The following RALGAPB variants were observed in gnomAD, a reference collection of about 807,000 sequenced individuals.
The protein encoded by RALGAPB is ral GTPase-activating protein subunit beta.
Under a neutral mutation model 161.1 loss-of-function variants are expected in RALGAPB, and 25 were observed. The observed-to-expected ratio is 0.16, with a 90% CI of 0.11 to 0.22. The LOEUF (loss-of-function observed/expected upper bound fraction) is 0.22, where lower values mean the gene tolerates loss of function less well. RALGAPB is among the 10% of genes least tolerant of loss of function. The probability of loss-of-function intolerance (pLI) is 1.00; values close to 1 mark genes in which losing one functional copy is unlikely to be tolerated. For missense variants in RALGAPB, 1,391 were observed against 1,815.2 expected (o/e 0.77, Z 4.25); for synonymous variants, 629 against 626.1 (o/e 1.00, Z -0.07).
At chr20:38,527,476 A>G (rs1013932505) in intron 13 of RALGAPB, among the ~76,000 whole-genome samples, 1 of 152,192 alleles carries the variant, frequency 6.6e-6, no homozygotes, top group South Asian at 2.1e-4. Context: ...AATTGTGGAC[A>G]TGATTTTCTA....
chr20:38,527,866 G>A (rs2086519249), intron 13 of RALGAPB, among the ~76,000 whole-genome samples: 1 of 152,194 alleles, frequency 6.6e-6, no homozygotes, highest in African/African-American at 2.4e-5. Context: ...CCATAAAGTG[G>A]CAAAGCTCTT....
At chr20:38,555,705 T>G (rs2087564958) in intron 22 of RALGAPB, among the ~76,000 whole-genome samples, 1 of 152,214 alleles carries the variant, frequency 6.6e-6, no homozygotes, top group Non-Finnish European at 1.5e-5. Flanking sequence ...TAGTTGAAAC[T>G]TAAGCTTTTA....
chr20:38,555,628 G>A (rs565170055), intron 22 of RALGAPB, among the ~76,000 whole-genome samples: 1 of 152,260 alleles, frequency 6.6e-6, no homozygotes, highest in East Asian at 1.9e-4. Flanking sequence ...ATGGACTTCA[G>A]GGACACAAGA....
In RALGAPB at chr20:38,521,596, C is replaced by G. The variant is rs552078505; in HGVS notation, c.1517C>G (p.Pro506Arg). ...SNPMFDASEF[P>R]DNYEAGRAEA... is the part of the protein sequence containing the mutation. ...CCTATGTTTGATGCAAGTGAATTTC[C>G]TGATAACTATGAAGCAGGAAGAGCT... The change falls in exon 10 of 30, where the codon CCT becomes CGT. Residue 506 changes from proline (P) to arginine (R), a missense_variant. By Grantham distance (103) the Pro-to-Arg change is moderately radical. Coordinates refer to ENST00000262879, the MANE Select transcript of RALGAPB (RefSeq NM_020336.4). The G allele has an allele frequency of 3.1e-6, 5 of 1,614,206 alleles. No homozygotes were observed. The highest frequency in any genetic ancestry group is 1.1e-5 in the South Asian group (1 of 91,086).
At position 38,532,756 on chromosome 20, in the gene RALGAPB, T is replaced by C. The variant is rs758640222; in HGVS notation, c.2142T>C (p.Ser714=). The C allele has an allele frequency of 3.3e-5, 53 of 1,613,782 alleles. No individual in the cohort carries two copies. The highest frequency in any genetic ancestry group is 4.2e-5 in the Non-Finnish European group (50 of 1,179,858). Residue 714 remains serine, a synonymous_variant, in exon 15 of 30, where the codon AGT becomes AGC. Coordinates refer to ENST00000262879, the MANE Select transcript of RALGAPB (RefSeq NM_020336.4). ...GTGGTGGAGAAAATAACCTGAAGAG[T>C]CATAGTCGCACCAATAGTGGTATTA... is the stretch of plus-strand genomic sequence containing the variant. ...EMGGGENNLK[S]HSRTNSGISS...
At chr20:38,533,158 G>A (rs1164843760) in intron 15 of RALGAPB, among the ~76,000 whole-genome samples, 1 of 152,114 alleles carries the variant, frequency 6.6e-6, no homozygotes, top group African/African-American at 2.4e-5. Context: ...CAAATAAGAT[G>A]TGGACTCTGC....
intron 9 of RALGAPB, 135 bp downstream of exon 9, chr20:38,518,135 T>A: frequency 1.2e-6 from 1 of 807,758 alleles, no homozygotes; most frequent in Non-Finnish European, 1.9e-6. Context: ...GTCTTGTGCT[T>A]AACCCCTTCC....
rs2086641725 is a variant in RALGAPB, at chr20:38,531,203, T to C, written c.2087T>C (p.Leu696Ser). 9.3e-6 allele frequency: 15 copies of C among 1,610,800 alleles called. No homozygotes were observed. Among genetic ancestry groups the C allele is most frequent in the Non-Finnish European group, 1.3e-5 (15 of 1,177,246 alleles). Residue 696 changes from leucine (L) to serine (S), a missense_variant, in exon 14 of 30, where the codon TTG becomes TCG. Leu to Ser is a moderately radical substitution (Grantham distance 145, BLOSUM62 -2). Around this residue, in one of 3 missense-constraint regions of RALGAPB, gnomAD observed 946 missense variants for 1,257.2 expected, o/e 0.75. Coordinates refer to ENST00000262879, the MANE Select transcript of RALGAPB (RefSeq NM_020336.4). ...MLNIVQDSAL[L>S]EAIGCQMEMG... ...AATATTGTTCAAGATTCAGCACTTT[T>C]GGAAGCCATTGGTTGCCAGATGGAG...
chr20:38,483,568 G>T (rs1433213956), intron 1 of RALGAPB, among the ~76,000 whole-genome samples: 8 of 152,138 alleles, frequency 5.3e-5, no homozygotes, highest in African/African-American at 1.9e-4. Context: ...TTTGTCTTCT[G>T]CTTTGTACTG....
intron 14 of RALGAPB, 29 bp from the exon 15 acceptor site, chr20:38,532,701 C>A: frequency 2.5e-6 from 4 of 1,610,048 alleles, no homozygotes; most frequent in Non-Finnish European, 3.4e-6. Context: ...GTGATGTAAT[C>A]CTCACTTGAT....
At chr20:38,558,164 G>A (rs2087654394) in intron 22 of RALGAPB, 131 bp from the exon 23 acceptor site, 1 of 702,386 alleles carries the variant, frequency 1.4e-6, no homozygotes, top group Non-Finnish European at 2.1e-6. Context: ...TTAGGATTAT[G>A]GTTGTGTTTA....
At chr20:38,559,162 AACTG>A (rs1253831762) in intron 23 of RALGAPB, among the ~76,000 whole-genome samples, 1 of 152,272 alleles carries the variant, frequency 6.6e-6, no homozygotes, top group Non-Finnish European at 1.5e-5. Flanking sequence ...AGACAAAAGA[AACTG>A]AAATAACGAA....
chr20:38,508,740 C>T (rs1001740927), intron 5 of RALGAPB, among the ~76,000 whole-genome samples: 4 of 152,208 alleles, frequency 2.6e-5, no homozygotes, highest in Middle Eastern at 3.4e-3. Context: ...CATTAGAAAT[C>T]ATCTTGAAAG....
intron 4 of RALGAPB, among the ~76,000 whole-genome samples, chr20:38,498,788 A>G (rs1216584860): frequency 3.3e-5 from 5 of 152,134 alleles, no homozygotes; most frequent in Non-Finnish European, 7.4e-5. Flanking sequence ...CCCCATTTTC[A>G]TGGTTAAGGC....
chr20:38,574,883 C>T lies in RALGAPB; in HGVS notation c.4401C>T (p.Val1467=). 1 of 1,613,916 alleles carries T rather than the reference C, an allele frequency of 6.2e-7. No homozygotes were observed. Among genetic ancestry groups the T allele is most frequent in the African/African-American group, 1.3e-5 (1 of 75,030 alleles). Reference sequence around the variant, plus strand: ...GGAAACAGAAAATCACCGACATTGTCAACAAGTACCGGAACAAGCAGCTGG... The same window carrying T: ...GGAAACAGAAAATCACCGACATTGTTAACAAGTACCGGAACAAGCAGCTGG... ...VRRKQKITDI[V]NKYRNKQLEP... Residue 1467 remains valine, a synonymous_variant, in exon 30 of 30, where the codon GTC becomes GTT. Transcript: ENST00000262879.
intron 22 of RALGAPB, among the ~76,000 whole-genome samples, chr20:38,556,043 CAGTA>C (rs2087576059): frequency 6.6e-6 from 1 of 152,006 alleles, no homozygotes; most frequent in Non-Finnish European, 1.5e-5. Flanking sequence ...GTCAGTGAAA[CAGTA>C]AGTCAGTATT....
chr20:38,539,588 C>G (rs1160764621), intron 16 of RALGAPB, among the ~76,000 whole-genome samples, 188 bp from the exon 17 acceptor site: 1 of 152,154 alleles, frequency 6.6e-6, no homozygotes, highest in African/African-American at 2.4e-5. Context: ...TTGAAAAATG[C>G]CACTATTTTT....
At position 38,499,438 on chromosome 20, in the gene RALGAPB, G is replaced by T. The variant is rs370244476; in HGVS notation, c.554-9G>T. ...TTTGCCAAAGATGTGTTTTCTTTTT[G>T]TTGGTAAGGTGGCATTGCTGAGAAT... is the stretch of plus-strand genomic sequence containing the variant. On this transcript the variant is annotated splice_polypyrimidine_tract_variant and intron_variant, in intron 4 of 29. Coordinates refer to ENST00000262879, the MANE Select transcript of RALGAPB (RefSeq NM_020336.4). The T allele has an allele frequency of 6.4e-7, 1 of 1,564,418 alleles. No individual in the cohort carries two copies. Among genetic ancestry groups the T allele is most frequent in the South Asian group, 1.2e-5 (1 of 84,534 alleles).
rs564364500 is a variant in RALGAPB, at chr20:38,497,491, A to G, written c.528A>G (p.Ile176Met). 3.5e-5 allele frequency: 57 copies of G among 1,612,896 alleles called. 1 individual carries two copies. In the East Asian group the frequency reaches 1.2e-3, roughly 35 times the overall value. Residue 176 changes from isoleucine (I) to methionine (M), a missense_variant, in exon 4 of 30, where the codon ATA becomes ATG. By Grantham distance (10) the Ile-to-Met change is conservative. Around this residue, in one of 3 missense-constraint regions of RALGAPB, gnomAD observed 946 missense variants for 1,257.2 expected, o/e 0.75. Transcript: ENST00000262879. ...TGTTTCTTCTGCAGATTAACGACAT[A>G]CTTCTGGCCCCACCAACTGTTCAAG... The part of the protein sequence containing the change: ...LLLFLLQIND[I>M]LLAPPTVQGG...
Sources: allele counts gnomAD v4.1 joint callset (sites outside exome capture counted in the v4.1 genomes callset), GRCh38; gene constraint gnomAD v4.1.1; regional missense constraint gnomAD v4.1.1; transcripts MANE v1.5; gene names NCBI Gene and HGNC (gene_info 2026-07-23, HGNC 2026-07-21).